Variants in TECPR2 observed in about 807,000 individuals in gnomAD.
TECPR2 encodes tectonin beta-propeller repeat-containing protein 2.
TECPR2 carries 65 observed loss-of-function variants against 138.1 expected under a neutral mutation model. The ratio of observed to expected loss-of-function variants is 0.47; its 90% CI spans 0.39 to 0.58. The LOEUF (loss-of-function observed/expected upper bound fraction) is 0.58, where lower values mean the gene tolerates loss of function less well. TECPR2 is among the 20% of genes least tolerant of loss of function. The probability of loss-of-function intolerance (pLI) is 0.00; values close to 1 mark genes in which losing one functional copy is unlikely to be tolerated. For missense variants in TECPR2, 1,553 were observed against 1,824.5 expected, an observed-to-expected ratio of 0.85 and a Z score of 2.71; for synonymous variants, 746 against 749.8, an observed-to-expected ratio of 0.99 and a Z score of 0.08.
At chr14:102,389,552 A>G (rs1888109265) in intron 2 of TECPR2, among the ~76,000 whole-genome samples, 1 of 152,230 alleles carries the variant, frequency 6.6e-6, no homozygotes, top group Non-Finnish European at 1.5e-5. Flanking sequence ...ATGTATATGG[A>G]TACTTGAGTA....
At chr14:102,418,332 G>A (rs1567332322) in intron 5 of TECPR2, among the ~76,000 whole-genome samples, 1 of 152,232 alleles carries the variant, frequency 6.6e-6, no homozygotes, top group Non-Finnish European at 1.5e-5. Flanking sequence ...TCTAATCTCA[G>A]GGAGCTGTGT....
rs573256902 is a variant in TECPR2 at position 102,455,224 on chromosome 14, G to A, written c.3640+2597G>A. Among the ~76,000 whole-genome samples the A allele has an allele frequency of 9.2e-5, 14 of 152,304 alleles. No homozygotes were observed. The South Asian group carries it at 2.1e-3, about 23-fold the overall frequency. On this transcript the variant is annotated intron_variant, in intron 16 of 19. Coordinates refer to ENST00000359520, the MANE Select transcript of TECPR2 (RefSeq NM_014844.5). ...GAGGGATGGCCTGGGGATCCTGGTC[G>A]CTGTGGATGGGCAGGTTTTCACTGA...
intron 5 of TECPR2, 91 bp downstream of exon 5, chr14:102,414,884 G>A (rs775628868): frequency 4.0e-6 from 6 of 1,514,088 alleles, no homozygotes; most frequent in Non-Finnish European, 5.4e-6. Flanking sequence ...GTTTGCCGGA[G>A]ACCTCCTGTT....
chr14:102,411,616 G>A (rs942242705), intron 4 of TECPR2, among the ~76,000 whole-genome samples: 6 of 133,334 alleles, frequency 4.5e-5, no homozygotes, highest in African/African-American at 8.6e-5. Flanking sequence ...CCTATAAAAC[G>A]GCCCCACCCC....
chr14:102,420,621 C>T lies in TECPR2; in HGVS notation c.639-4358C>T, dbSNP rs901534898. On this transcript the variant is annotated intron_variant, in intron 5 of 19. Transcript: ENST00000359520. The surrounding 1 kb of genome is among the most constrained non-coding windows in gnomAD (Gnocchi z 4.1). ...CCGAGTAACTAGGACTACAGGCACGCACCACCATGCCTGGCTAAATTTTTT... is the reference window on the plus strand; with the variant it reads ...CCGAGTAACTAGGACTACAGGCACGTACCACCATGCCTGGCTAAATTTTTT... 1.3e-5 allele frequency among the ~76,000 whole-genome samples: 2 copies of T among 152,174 alleles called. No homozygotes were observed. The highest frequency in any genetic ancestry group is 2.4e-5 in the African/African-American group (1 of 41,438).
At chr14:102,392,069 A>G (rs1035177782) in intron 2 of TECPR2, among the ~76,000 whole-genome samples, 4 of 152,006 alleles carry the variant, frequency 2.6e-5, no homozygotes, top group Admixed American at 6.6e-5. Flanking sequence ...GCTCACCGCA[A>G]CCTCTGCCTC....
chr14:102,456,448 C>A (rs1277153517), intron 16 of TECPR2, among the ~76,000 whole-genome samples: 1 of 152,086 alleles, frequency 6.6e-6, no homozygotes, highest in Non-Finnish European at 1.5e-5. Flanking sequence ...TGTGTTGGGG[C>A]AAGGGAGGTG....
chr14:102,448,173 T>C (rs1890038115), intron 13 of TECPR2, among the ~76,000 whole-genome samples: 1 of 151,698 alleles, frequency 6.6e-6, no homozygotes, highest in African/African-American at 2.4e-5. Context: ...GTTGGCAGGC[T>C]GGTCTGGAAC....
intron 17 of TECPR2, among the ~76,000 whole-genome samples, chr14:102,470,393 C>T (rs1028105315): frequency 1.3e-5 from 2 of 151,786 alleles, no homozygotes; most frequent in African/African-American, 2.4e-5. Context: ...CTGCAACCTC[C>T]GTCTCCTGGG....
chr14:102,382,162 G>A (rs560786307), intron 2 of TECPR2, among the ~76,000 whole-genome samples: 31 of 152,032 alleles, frequency 2.0e-4, no homozygotes, highest in African/African-American at 7.2e-4. Flanking sequence ...GTGTGGTGGC[G>A]GGCTCCTGTA....
Position 102,435,062 on chromosome 14 carries a change from T to C in TECPR2, c.2245T>C (p.Leu749=), listed in dbSNP as rs1224427720. Residue 749 remains leucine (L), a synonymous_variant, in exon 9 of 20, where the codon TTG becomes CTG. Transcript: ENST00000359520. ...WLEQPPRDQT[L]TSSDEEDIYA... ...TGAGCAGCCTCCACGGGATCAGACA[T>C]TGACGTCCAGCGATGAGGAGGACAT... 6 of 1,613,922 alleles carry C rather than the reference T, an allele frequency of 3.7e-6. No homozygotes were observed.
chr14:102,434,520 C>A lies in TECPR2; in HGVS notation c.1703C>A (p.Thr568Asn). 6.4e-7 allele frequency: 1 copy of A among 1,560,158 alleles called. No individual in the cohort carries two copies. The highest frequency in any genetic ancestry group is 8.7e-7 in the Non-Finnish European group (1 of 1,152,420). Residue 568 changes from threonine (T) to asparagine (N), a missense_variant, in exon 9 of 20, where the codon ACT becomes AAT. Transcript: ENST00000359520. ...DSLAEEDDIR[T>N]EMPHCHHAHG... is the part of the protein sequence containing the mutation. ...CTGGCTGAGGAAGATGACATTAGAA[C>A]TGAAATGCCACACTGTCACCATGCA...
intron 1 of TECPR2, among the ~76,000 whole-genome samples, chr14:102,367,994 CTTTTTTTTTTTTTT>C (rs56325877): frequency 0.029 from 1,885 of 65,952 alleles, 75 homozygotes; most frequent in African/African-American, 0.12. Context: ...GCTTATTGGC[CTTTTTTTTTTTTTT>C]TTTTTTTTTT....
At chr14:102,492,860 G>T (rs922305670) in intron 17 of TECPR2, among the ~76,000 whole-genome samples, 1 of 152,264 alleles carries the variant, frequency 6.6e-6, no homozygotes, top group Middle Eastern at 3.2e-3. Flanking sequence ...TCTAGTAAAG[G>T]CTGTTAATGG....
intron 2 of TECPR2, among the ~76,000 whole-genome samples, chr14:102,387,595 C>T (rs1204379368): frequency 3.3e-5 from 5 of 151,452 alleles, no homozygotes; most frequent in Admixed American, 2.6e-4. Context: ...GGCGCCATCT[C>T]GGCTCACTGC....
chr14:102,431,504 G>T (rs186721303), intron 7 of TECPR2, among the ~76,000 whole-genome samples: 1 of 151,792 alleles, frequency 6.6e-6, no homozygotes, highest in Non-Finnish European at 1.5e-5. Context: ...CACCATGCCC[G>T]GCTAATTTTT....
rs956457219 is a variant in TECPR2, at chr14:102,450,017, G to A, written c.3316+148G>A. On this transcript the variant is annotated intron_variant, in intron 14 of 19. Coordinates refer to ENST00000359520, the MANE Select transcript of TECPR2 (RefSeq NM_014844.5). ...GTCTAGTGGAGGCACTCTATGCTTT[G>A]TGATCAGTTTCTCTCCTTTTTAAAA... 4.9e-6 allele frequency: 6 copies of A among 1,231,718 alleles called. 1 individual carries two copies. Among genetic ancestry groups the A allele is most frequent in the Non-Finnish European group, 1.1e-6 (1 of 904,538 alleles). 76.3% of individuals were successfully genotyped at this position (1,231,718 alleles called of 1,614,324 possible).
At chr14:102,487,545 CT>C (rs1192081812) in intron 17 of TECPR2, among the ~76,000 whole-genome samples, 2 of 152,100 alleles carry the variant, frequency 1.3e-5, no homozygotes, top group Admixed American at 6.6e-5. Flanking sequence ...TTTTTCTTTT[CT>C]TTTCTTTTTT....
At chr14:102,363,816 T>A (rs1887264317) in intron 1 of TECPR2, among the ~76,000 whole-genome samples, 1 of 152,182 alleles carries the variant, frequency 6.6e-6, no homozygotes, top group Non-Finnish European at 1.5e-5. Flanking sequence ...GAGGATTAAA[T>A]GGGTCAGTGC....
Sources: gnomAD v4.1 joint callset for allele counts (sites outside exome capture counted in the v4.1 genomes callset) on GRCh38, gnomAD v4.1.1 for gene constraint, Gnocchi (gnomAD v3.1) non-coding constraint, MANE v1.5 for transcripts, NCBI Gene and HGNC (gene_info 2026-07-23, HGNC 2026-07-21) for gene names.